ST3GAL4: variants seen among roughly 807,000 people sequenced by gnomAD.
ST3GAL4 encodes ST3 beta-galactoside alpha-2,3-sialyltransferase 4, also known as CMP-N-acetylneuraminate-beta-galactosamide-alpha-2,3-sialyltransferase 4.
In ST3GAL4, 24 loss-of-function variants were observed where a neutral mutation model predicts 42.6. That is an observed-to-expected ratio of 0.56 (90% confidence interval 0.41 to 0.79). ST3GAL4 has a LOEUF of 0.79. Ranked by LOEUF, ST3GAL4 falls within the 30% of genes least tolerant of loss-of-function variation. The pLI is 0.00. For missense variants in ST3GAL4, 311 were observed against 430.8 expected (o/e 0.72, Z 2.46); for synonymous variants, 135 against 163.2 (o/e 0.83, Z 1.32).
At position 126,376,225 on chromosome 11, in the gene ST3GAL4, G is replaced by A. The variant is rs1952829765; in HGVS notation, c.-61+20383G>A. On this transcript the variant is annotated intron_variant, in intron 1 of 10. Coordinates refer to ENST00000444328, the MANE Select transcript of ST3GAL4 (RefSeq NM_001254757.2). This position sits in a 1 kb window ranked among gnomAD's most constrained non-coding sequence, Gnocchi z 5.1. ...CAGTTTCAGAGGTCCCAGGATAGTGGGCAATATTTGAAAGCCAGTAAATAT... is the reference window on the plus strand; with the variant it reads ...CAGTTTCAGAGGTCCCAGGATAGTGAGCAATATTTGAAAGCCAGTAAATAT... Among the ~76,000 whole-genome samples, 1 of 152,080 alleles carries A rather than the reference G, an allele frequency of 6.6e-6. No individual in the cohort carries two copies. The highest frequency in any genetic ancestry group is 2.1e-4 in the South Asian group (1 of 4,814).
intron 1 of ST3GAL4, among the ~76,000 whole-genome samples, chr11:126,374,359 C>T (rs547043826): frequency 3.4e-5 from 5 of 145,252 alleles, no homozygotes; most frequent in South Asian, 2.1e-4. Context: ...GGCTGAGGCA[C>T]GAGAATTGCT....
chr11:126,356,676 C>T lies in ST3GAL4; in HGVS notation c.-61+834C>T, dbSNP rs559722226. On this transcript the variant is annotated intron_variant, in intron 1 of 10. Coordinates refer to ENST00000444328, the MANE Select transcript of ST3GAL4 (RefSeq NM_001254757.2). ...GAAGGCTGGGAGTGTAGGCAGTGTTCGGGTGCCCAGCTGTGCCCTGTCTGA... is the reference window on the plus strand; with the variant it reads ...GAAGGCTGGGAGTGTAGGCAGTGTTTGGGTGCCCAGCTGTGCCCTGTCTGA... Among the ~76,000 whole-genome samples, 21 of 152,320 alleles carry T rather than the reference C, an allele frequency of 1.4e-4. No homozygotes were observed. The South Asian group carries it at 3.5e-3, about 26-fold the overall frequency.
At chr11:126,360,654 C>G (rs1442404064) in intron 1 of ST3GAL4, among the ~76,000 whole-genome samples, 2 of 152,158 alleles carry the variant, frequency 1.3e-5, no homozygotes, top group Admixed American at 1.3e-4. Context: ...GAACTCCTGA[C>G]CTTGTGATCC....
At chr11:126,370,401 C>T (rs1277891604) in intron 1 of ST3GAL4, among the ~76,000 whole-genome samples, 2 of 152,166 alleles carry the variant, frequency 1.3e-5, no homozygotes, top group Non-Finnish European at 2.9e-5. Flanking sequence ...TTATATTTCT[C>T]TACAGTAAAG....
chr11:126,402,373 T>C (rs957004408), intron 1 of ST3GAL4, among the ~76,000 whole-genome samples: 15 of 151,240 alleles, frequency 9.9e-5, no homozygotes, highest in African/African-American at 3.7e-4. Context: ...CGAGAATCAT[T>C]TGAACCTGGG....
chr11:126,376,803 ATGT>A lies in ST3GAL4; in HGVS notation c.-61+20968_-61+20970del, dbSNP rs966068282. 2 of 152,238 alleles carry A rather than the reference ATGT, an allele frequency of 1.3e-5. No homozygotes were observed. Among genetic ancestry groups the A allele is most frequent in the Admixed American group, 6.5e-5 (1 of 15,270 alleles). 9.4% of individuals were successfully genotyped at this position (152,238 alleles called of 1,614,324 possible). ...GTCACTGGGACAAAGAGTCAGGTAG[ATGT>A]TGTTGTCATCATCAGTAGGTAGGTT... On this transcript the variant is annotated intron_variant, in intron 1 of 10. Coordinates refer to ENST00000444328, the MANE Select transcript of ST3GAL4 (RefSeq NM_001254757.2). The surrounding 1 kb of genome is among the most constrained non-coding windows in gnomAD (Gnocchi z 5.1).
At position 126,396,138 on chromosome 11, in the gene ST3GAL4, C is replaced by T. The variant is rs1415030666; in HGVS notation, c.-60-9958C>T. Among the ~76,000 whole-genome samples the T allele has an allele frequency of 6.6e-6, 1 of 151,974 alleles. No individual in the cohort carries two copies. Among genetic ancestry groups the T allele is most frequent in the Non-Finnish European group, 1.5e-5 (1 of 68,026 alleles). ...CAGCCCGTAGCCTGCGCTCACTGTA[C>T]CTGGCAGTTGTATTAATGACGTCAA... On this transcript the variant is annotated intron_variant, in intron 1 of 10. Coordinates refer to ENST00000444328, the MANE Select transcript of ST3GAL4 (RefSeq NM_001254757.2). The surrounding 1 kb of genome is among the most constrained non-coding windows in gnomAD (Gnocchi z 5.8).
intron 1 of ST3GAL4, among the ~76,000 whole-genome samples, chr11:126,367,671 C>G (rs1952484648): frequency 1.3e-5 from 2 of 152,208 alleles, no homozygotes; most frequent in Non-Finnish European, 2.9e-5. Context: ...CTCTGAAGAT[C>G]TGAGGTGCAT....
Position 126,407,416 on chromosome 11 carries a change from C to T in ST3GAL4, c.280+67C>T, listed in dbSNP as rs1491003760. 15 of 1,578,494 alleles carry T rather than the reference C, an allele frequency of 9.5e-6. No individual in the cohort carries two copies. The Middle Eastern group carries it at 5.0e-4, about 53-fold the overall frequency. On this transcript the variant is annotated intron_variant, in intron 5 of 10. Coordinates refer to ENST00000444328, the MANE Select transcript of ST3GAL4 (RefSeq NM_001254757.2). ...GACCACGTTGCTTCCTATTCTCTGCCGTCCACGGCCCCAGTGCCCAAGTTC... is the reference window on the plus strand; with the variant it reads ...GACCACGTTGCTTCCTATTCTCTGCTGTCCACGGCCCCAGTGCCCAAGTTC...
At position 126,384,298 on chromosome 11, in the gene ST3GAL4, G is replaced by A. The variant is rs902935064; in HGVS notation, c.-60-21798G>A. 5.3e-5 allele frequency among the ~76,000 whole-genome samples: 8 copies of A among 152,162 alleles called. No individual in the cohort carries two copies. The highest frequency in any genetic ancestry group is 9.7e-5 in the African/African-American group (4 of 41,424). On this transcript the variant is annotated intron_variant, in intron 1 of 10. Coordinates refer to ENST00000444328, the MANE Select transcript of ST3GAL4 (RefSeq NM_001254757.2). This position sits in a 1 kb window ranked among gnomAD's most constrained non-coding sequence, Gnocchi z 5.5. ...AAGGGGTTTCTGAGCCCAGATCTCC[G>A]GTGCTCCAAGACACTCAAAACCAGA...
Position 126,396,081 on chromosome 11 carries a change from C to T in ST3GAL4, c.-60-10015C>T, listed in dbSNP as rs903205920. ...GGACCGTCTGTATCCGAGTGTTGAT[C>T]GGGTGGATTCTAACCCTGTGGGAGA... On this transcript the variant is annotated intron_variant, in intron 1 of 10. Transcript: ENST00000444328. This position sits in a 1 kb window ranked among gnomAD's most constrained non-coding sequence, Gnocchi z 5.8. Among the ~76,000 whole-genome samples the T allele has an allele frequency of 2.6e-5, 4 of 151,706 alleles. No individual in the cohort carries two copies. The highest frequency in any genetic ancestry group is 7.3e-5 in the African/African-American group (3 of 41,142).
chr11:126,381,028 G>C lies in ST3GAL4; in HGVS notation c.-60-25068G>C, dbSNP rs528365052. Among the ~76,000 whole-genome samples, 3 of 152,358 alleles carry C rather than the reference G, an allele frequency of 2.0e-5. No homozygotes were observed. The East Asian group carries it at 5.8e-4, about 29-fold the overall frequency. The stretch of plus-strand genomic sequence containing the variant: ...GGTAATGGCCATGCATCCTTGCATA[G>C]ACAAGAACATGGGGTGCACTTCTGC... On this transcript the variant is annotated intron_variant, in intron 1 of 10. Coordinates refer to ENST00000444328, the MANE Select transcript of ST3GAL4 (RefSeq NM_001254757.2).
Position 126,414,179 on chromosome 11 carries a change from C to T in ST3GAL4, c.*132C>T. ...CCCTCTTGGGGAGGGAGTTCTGGGC[C>T]TGGCCAGGTCTGAGATGAGGCCATG... On this transcript the variant is annotated 3_prime_UTR_variant, in exon 11 of 11. Coordinates refer to ENST00000444328, the MANE Select transcript of ST3GAL4 (RefSeq NM_001254757.2). 2 of 836,562 alleles carry T rather than the reference C, an allele frequency of 2.4e-6. No homozygotes were observed. Among genetic ancestry groups the T allele is most frequent in the Non-Finnish European group, 4.0e-6 (2 of 503,790 alleles). 51.8% of individuals were successfully genotyped at this position (836,562 alleles called of 1,614,324 possible).
intron 1 of ST3GAL4, among the ~76,000 whole-genome samples, chr11:126,377,403 T>G (rs1373242354): frequency 1.3e-5 from 2 of 151,748 alleles, no homozygotes; most frequent in Non-Finnish European, 2.9e-5. Context: ...ACTCCTGACC[T>G]CAGGTGATCC....
At chr11:126,358,794 C>A (rs1407938049) in intron 1 of ST3GAL4, among the ~76,000 whole-genome samples, 2 of 152,212 alleles carry the variant, frequency 1.3e-5, no homozygotes, top group Non-Finnish European at 2.9e-5. Context: ...TTCCCCTGTA[C>A]CCCACACTGC....
Position 126,392,325 on chromosome 11 carries a change from T to G in ST3GAL4, c.-60-13771T>G, listed in dbSNP as rs1004728522. On this transcript the variant is annotated intron_variant, in intron 1 of 10. Transcript: ENST00000444328. The surrounding 1 kb of genome is among the most constrained non-coding windows in gnomAD (Gnocchi z 5.8). The stretch of plus-strand genomic sequence containing the variant: ...CACAGAGTTTACTGTCGGACATCAG[T>G]TCTGATATGGTGCAGCAGACATGGA... The G allele has an allele frequency of 4.1e-6, 4 of 985,792 alleles. No homozygotes were observed. In the African/African-American group the frequency reaches 7.0e-5, roughly 17 times the overall value. 61.1% of individuals were successfully genotyped at this position (985,792 alleles called of 1,614,324 possible).
At chr11:126,408,936 C>T (rs1330979388) in intron 8 of ST3GAL4, 1 of 423,050 alleles carries the variant, frequency 2.4e-6, no homozygotes, top group Non-Finnish European at 4.3e-6. Flanking sequence ...ACTGTCCCAT[C>T]TGGCATTTTT....
At chr11:126,390,327 G>T (rs12288031) in intron 1 of ST3GAL4, among the ~76,000 whole-genome samples, 43,883 of 147,810 alleles carry the variant, frequency 0.3, 6,800 homozygotes, top group Non-Finnish European at 0.33. Context: ...TTTCCAGTTT[G>T]TTTGTTTTTT....
At chr11:126,365,980 G>A (rs557661907) in intron 1 of ST3GAL4, among the ~76,000 whole-genome samples, 13 of 152,318 alleles carry the variant, frequency 8.5e-5, no homozygotes, top group Non-Finnish European at 1.6e-4. Context: ...GCTCATAGGC[G>A]TGGCTGGGTC....
Sources: gnomAD v4.1 joint callset for allele counts (sites outside exome capture counted in the v4.1 genomes callset) on GRCh38, gnomAD v4.1.1 for gene constraint, Gnocchi (gnomAD v3.1) non-coding constraint, MANE v1.5 for transcripts, NCBI Gene and HGNC (gene_info 2026-07-23, HGNC 2026-07-21) for gene names.